The following SCN3A variants were observed in gnomAD, a reference collection of about 807,000 sequenced individuals.
SCN3A encodes the protein sodium voltage-gated channel alpha subunit 3, also known as sodium channel protein type 3 subunit alpha.
In SCN3A, 60 loss-of-function variants were observed where a neutral mutation model predicts 187.6. That is an observed-to-expected ratio of 0.32 (90% CI 0.26 to 0.40). The LOEUF is 0.40. Ranked by LOEUF, SCN3A falls within the 10% of genes least tolerant of loss-of-function variation. The pLI, the probability that SCN3A is intolerant of heterozygous loss-of-function variation, is 1.00. For synonymous variants in SCN3A, 788 were observed against 829.2 expected (o/e 0.95, Z 0.85); for missense variants, 1,601 against 2,428.2 (o/e 0.66, Z 7.16).
intron 16 of SCN3A, 150 bp from the exon 17 acceptor site, chr2:165,130,446 A>G (rs539085720): frequency 1.3e-6 from 1 of 768,530 alleles, no homozygotes; most frequent in South Asian, 1.7e-5. Flanking sequence ...CAGAAAAAAT[A>G]GTGTTAACAA....
intron 17 of SCN3A, 105 bp downstream of exon 17, chr2:165,129,835 T>C: frequency 7.1e-7 from 1 of 1,410,512 alleles, no homozygotes; most frequent in Middle Eastern, 1.8e-4. Flanking sequence ...GATTTCAGTC[T>C]AGGCCACTTA....
Position 165,177,975 on chromosome 2 carries a change from C to T in SCN3A, c.-50-1531G>A, listed in dbSNP as rs1209434979. Among the ~76,000 whole-genome samples the T allele has an allele frequency of 4.6e-5, 7 of 152,088 alleles. No individual in the cohort carries two copies. In the East Asian group the frequency reaches 1.4e-3, roughly 29 times the overall value. On this transcript the variant is annotated intron_variant, in intron 2 of 27. Coordinates refer to ENST00000283254, the MANE Select transcript of SCN3A (RefSeq NM_006922.4). ...GTCATCTGTGACATTTTCCCCATTC[C>T]TACCATTCCCCTTTGCCCCCACATG... is the stretch of plus-strand genomic sequence containing the variant.
At chr2:165,114,120 C>A in intron 19 of SCN3A, 150 bp from the exon 20 acceptor site, 1 of 557,524 alleles carries the variant, frequency 1.8e-6, no homozygotes, top group Non-Finnish European at 3.1e-6. Flanking sequence ...AGCATCCCTC[C>A]TGTATAATGA....
At position 165,131,407 on chromosome 2, in the gene SCN3A, C is replaced by T; in HGVS notation, c.2402G>A (p.Gly801Glu). The T allele has an allele frequency of 6.2e-7, 1 of 1,603,178 alleles. No individual in the cohort carries two copies. ...VLTVGNLVFT[G>E]IFTAEMVLKI... ...GAGAACCATTTCTGCTGTGAAAATC[C>T]CAGTAAAGACCTAAAAAATAGAGAT... Residue 801 changes from glycine (G) to glutamate (E), a missense_variant, in exon 16 of 28, where the codon GGG becomes GAG. This residue lies in a region of SCN3A where 376 missense variants were observed against 476.0 expected (regional missense o/e 0.79). Transcript: ENST00000283254.
rs191054719 is a variant in SCN3A, at chr2:165,158,310, C to A, written c.1032-2407G>T. Among the ~76,000 whole-genome samples the A allele has an allele frequency of 1.9e-4, 26 of 137,634 alleles. 6 individuals carry two copies. The highest frequency in any genetic ancestry group is 1.1e-4 in the Non-Finnish European group (7 of 66,550). The allele number at this position is 137,634 out of a possible 152,430, so 90.3% of individuals were successfully genotyped here. On this transcript the variant is annotated intron_variant, in intron 9 of 27. Coordinates refer to ENST00000283254, the MANE Select transcript of SCN3A (RefSeq NM_006922.4). ...AGTTACTTAGGTTAGCATGTTATTA[C>A]CCCACCACCTACAGTGAGGTCATTT...
At position 165,169,423 on chromosome 2, in the gene SCN3A, C is replaced by T. The variant is rs560784288; in HGVS notation, c.384-598G>A. Among the ~76,000 whole-genome samples, 12 of 152,010 alleles carry T rather than the reference C, an allele frequency of 7.9e-5. No individual in the cohort carries two copies. The South Asian group carries it at 2.5e-3, about 31-fold the overall frequency. ...CACTTTAGATTGTGGCGGACCCCAA[C>T]AGACCATCTGGCTATACTCTTGTAT... is the stretch of plus-strand genomic sequence containing the variant. On this transcript the variant is annotated intron_variant, in intron 4 of 27. Transcript: ENST00000283254.
chr2:165,140,391 A>G lies in SCN3A; in HGVS notation c.2019+260T>C, dbSNP rs1041490107. Among the ~76,000 whole-genome samples the G allele has an allele frequency of 8.5e-5, 13 of 152,130 alleles. No individual in the cohort carries two copies. Among genetic ancestry groups the G allele is most frequent in the Admixed American group, 8.5e-4 (13 of 15,272 alleles). On this transcript the variant is annotated intron_variant, in intron 13 of 27. Coordinates refer to ENST00000283254, the MANE Select transcript of SCN3A (RefSeq NM_006922.4). The surrounding 1 kb of genome is among the most constrained non-coding windows in gnomAD (Gnocchi z 4.2). ...TACCAAATTTGCAGATATGTATTTC[A>G]TAGCAGACTCTAAAAACGGGGCCCT...
intron 7 of SCN3A, 111 bp downstream of exon 7, chr2:165,163,507 T>C: frequency 7.9e-7 from 1 of 1,259,242 alleles, no homozygotes; most frequent in Non-Finnish European, 1.1e-6. Flanking sequence ...TTTGGCATTA[T>C]TTAACGGGAT....
Position 165,092,203 on chromosome 2 carries a change from G to A in SCN3A, c.4807+51C>T, listed in dbSNP as rs375478472. The A allele has an allele frequency of 9.6e-6, 15 of 1,569,460 alleles. No homozygotes were observed. Among genetic ancestry groups the A allele is most frequent in the Non-Finnish European group, 1.2e-5 (14 of 1,139,912 alleles). On this transcript the variant is annotated intron_variant, in intron 27 of 27. Transcript: ENST00000283254. This position sits in a 1 kb window ranked among gnomAD's most constrained non-coding sequence, Gnocchi z 4.2. ...CATGTTAATCAGCTAGAAGGTCCTGGGGCAACTGTTTCTCTGTAACTATAC... is the reference window on the plus strand; with the variant it reads ...CATGTTAATCAGCTAGAAGGTCCTGAGGCAACTGTTTCTCTGTAACTATAC...
At chr2:165,099,572 G>T (rs951860805) in intron 22 of SCN3A, among the ~76,000 whole-genome samples, 4 of 151,924 alleles carry the variant, frequency 2.6e-5, no homozygotes, top group African/African-American at 9.7e-5. Flanking sequence ...CAAAAAATTA[G>T]CGGGCGTGGT....
intron 4 of SCN3A, among the ~76,000 whole-genome samples, chr2:165,169,230 G>T (rs958145544): frequency 6.6e-6 from 1 of 151,892 alleles, no homozygotes; most frequent in African/African-American, 2.4e-5. Context: ...AATGTAAAAA[G>T]TGTGAGAATG....
chr2:165,203,270 T>C (rs1291106277), intron 1 of SCN3A, among the ~76,000 whole-genome samples: 2 of 152,028 alleles, frequency 1.3e-5, no homozygotes, highest in East Asian at 3.9e-4. Context: ...TCAACCTCTT[T>C]TAAATGGTTA....
At chr2:165,177,636 T>TC (rs2105928277) in intron 2 of SCN3A, among the ~76,000 whole-genome samples, 1 of 152,138 alleles carries the variant, frequency 6.6e-6, no homozygotes, top group African/African-American at 2.4e-5. Context: ...GTGCAGTGTA[T>TC]AGAGGCACAC....
At chr2:165,106,264 G>A (rs1447878575) in intron 21 of SCN3A, among the ~76,000 whole-genome samples, 1 of 152,052 alleles carries the variant, frequency 6.6e-6, no homozygotes, top group Non-Finnish European at 1.5e-5. Context: ...ATCTCTCTAA[G>A]TTTATTTCTT....
In SCN3A at chr2:165,095,489, G is replaced by T. The variant is rs574273428; in HGVS notation, c.4431+22C>A. ...AGACAGAACCCCAGAATGAAGAAAGGTAAAAGCTAAAGAATACTTATCTTC... is the reference window on the plus strand; with the variant it reads ...AGACAGAACCCCAGAATGAAGAAAGTTAAAAGCTAAAGAATACTTATCTTC... On this transcript the variant is annotated intron_variant, in intron 25 of 27. Coordinates refer to ENST00000283254, the MANE Select transcript of SCN3A (RefSeq NM_006922.4). The T allele has an allele frequency of 8.1e-6, 13 of 1,608,958 alleles. No individual in the cohort carries two copies. The Admixed American group carries it at 1.8e-4, about 23-fold the overall frequency.
At position 165,097,512 on chromosome 2, in the gene SCN3A, C is replaced by T. The variant is rs1250654372; in HGVS notation, c.3979G>A (p.Ala1327Thr). 1 of 1,613,814 alleles carries T rather than the reference C, an allele frequency of 6.2e-7. No homozygotes were observed. Among genetic ancestry groups the T allele is most frequent in the Non-Finnish European group, 8.5e-7 (1 of 1,179,960 alleles). Residue 1327 changes from alanine (A) to threonine (T), a missense_variant, in exon 23 of 28, where the codon GCT becomes ACT. Around this residue, in one of 11 missense-constraint regions of SCN3A, gnomAD observed 320 missense variants for 623.2 expected, o/e 0.51. Coordinates refer to ENST00000283254, the MANE Select transcript of SCN3A (RefSeq NM_006922.4). ...RFEGMRVVVNALVGAIPSIMN... is the reference protein window; with the variant it reads ...RFEGMRVVVNTLVGAIPSIMN... ...ATAGAGGGAATTGCTCCAACAAGAG[C>T]ATTCACAACCACCTAGAAGAGACAG... is the stretch of plus-strand genomic sequence containing the variant.
Position 165,141,033 on chromosome 2 carries a change from G to A in SCN3A, c.1672-35C>T, listed in dbSNP as rs757617666. 6.9e-6 allele frequency: 10 copies of A among 1,451,930 alleles called. No homozygotes were observed. The Admixed American group carries it at 1.6e-4, about 23-fold the overall frequency. 89.9% of individuals were successfully genotyped at this position (1,451,930 alleles called of 1,614,324 possible). A position where few individuals can be genotyped will look rare whatever the true frequency, so the allele number is the denominator to read the frequency against. The stretch of plus-strand genomic sequence containing the variant: ...AAGCAAAAAGGAAAGGAATGGGATG[G>A]GGGTAGGGGAAGAACGCAATTATTT... On this transcript the variant is annotated intron_variant, in intron 12 of 27. Transcript: ENST00000283254.
rs983605439 is a variant in SCN3A, at chr2:165,130,160, A to G, written c.2702T>C (p.Met901Thr). 7 of 1,614,054 alleles carry G rather than the reference A, an allele frequency of 4.3e-6. No homozygotes were observed. The highest frequency in any genetic ancestry group is 5.9e-6 in the Non-Finnish European group (7 of 1,180,024). Residue 901 changes from methionine to threonine, a missense_variant, in exon 17 of 28, where the codon ATG becomes ACG. By Grantham distance (81) the Met-to-Thr change is moderately conservative. Coordinates refer to ENST00000283254, the MANE Select transcript of SCN3A (RefSeq NM_006922.4). ...IIVFIFAVVG[M>T]QLFGKSYKEC... The stretch of plus-strand genomic sequence containing the variant: ...TTTGTAGCTCTTACCAAAGAGCTGC[A>G]TGCCGACCACAGCAAAAATGAAGAC...
chr2:165,178,482 G>A lies in SCN3A; in HGVS notation c.-50-2038C>T, dbSNP rs966303022. On this transcript the variant is annotated intron_variant, in intron 2 of 27. Transcript: ENST00000283254. ...TGGGCTCAAGCCATCCGCCCGCCTC[G>A]GCCTCCCAAAGTGCTAGGATTACAG... 6.6e-5 allele frequency among the ~76,000 whole-genome samples: 10 copies of A among 152,104 alleles called. No individual in the cohort carries two copies. In the South Asian group the frequency reaches 1.2e-3, roughly 19 times the overall value.
Sources: allele counts gnomAD v4.1 joint callset (sites outside exome capture counted in the v4.1 genomes callset), GRCh38; gene constraint gnomAD v4.1.1; regional missense constraint gnomAD v4.1.1; non-coding constraint Gnocchi (gnomAD v3.1); transcripts MANE v1.5; gene names NCBI Gene and HGNC (gene_info 2026-07-23, HGNC 2026-07-21).